Variants in TRAK1 observed in about 807,000 individuals in gnomAD.
TRAK1 encodes the protein trafficking kinesin-binding protein 1.
In TRAK1, 33 loss-of-function variants were observed where a neutral mutation model predicts 92.1. That is an observed-to-expected ratio of 0.36 (90% CI 0.27 to 0.48). TRAK1 has a LOEUF of 0.48. Ranked by LOEUF, TRAK1 falls within the 20% of genes least tolerant of loss-of-function variation. The probability of loss-of-function intolerance (pLI) is 0.99; values close to 1 mark genes in which losing one functional copy is unlikely to be tolerated. For missense variants in TRAK1, 1,123 were observed against 1,257.9 expected (o/e 0.89, Z 1.62); for synonymous variants, 521 against 517.3 (o/e 1.01, Z -0.10).
At chr3:42,113,380 C>G (rs59630259) in intron 1 of TRAK1, among the ~76,000 whole-genome samples, 2 of 68,988 alleles carry the variant, frequency 2.9e-5, no homozygotes, top group African/African-American at 7.2e-5. Context: ...CTACCCCTAC[C>G]CCTACCCCTA....
intron 13 of TRAK1, chr3:42,203,165 C>A: frequency 8.4e-7 from 1 of 1,189,518 alleles, no homozygotes; most frequent in Non-Finnish European, 1.0e-6. Flanking sequence ...GTTTTGGTGT[C>A]GGGGAGAGGT....
intron 1 of TRAK1, among the ~76,000 whole-genome samples, chr3:42,032,064 C>T (rs1480222853): frequency 1.3e-5 from 2 of 152,116 alleles, no homozygotes; most frequent in Admixed American, 6.5e-5. Flanking sequence ...CTCCTTCACC[C>T]GCAGGCCTGG....
intron 2 of TRAK1, among the ~76,000 whole-genome samples, chr3:42,138,617 C>T (rs369327214): frequency 6.6e-5 from 10 of 151,374 alleles, no homozygotes; most frequent in African/African-American, 2.4e-4. Flanking sequence ...CCAGATGTGG[C>T]GGCTCACACC....
At chr3:42,116,911 A>G (rs1709235209) in intron 1 of TRAK1, among the ~76,000 whole-genome samples, 1 of 152,192 alleles carries the variant, frequency 6.6e-6, no homozygotes, top group Non-Finnish European at 1.5e-5. Context: ...TGTGGTCTGT[A>G]GCATTCTCTG....
At chr3:42,018,312 A>C (rs1465629809) in intron 1 of TRAK1, among the ~76,000 whole-genome samples, 4 of 151,880 alleles carry the variant, frequency 2.6e-5, no homozygotes, top group Non-Finnish European at 5.9e-5. Context: ...AGTGCTCTTA[A>C]GGAAAATGTA....
Position 42,125,526 on chromosome 3 carries a change from C to T in TRAK1, c.198C>T (p.His66=), listed in dbSNP as rs763122485. ...CCGACACCATCTACGGTTATGACCA[C>T]GACGACTGGCTCCATACACCTCTCA... ...LRADTIYGYD[H]DDWLHTPLIS... Residue 66 remains histidine (H), a synonymous_variant, in exon 2 of 16, where the codon CAC becomes CAT. Transcript: ENST00000327628. The T allele has an allele frequency of 2.9e-5, 47 of 1,614,108 alleles. No individual in the cohort carries two copies. Among genetic ancestry groups the T allele is most frequent in the East Asian group, 4.5e-5 (2 of 44,902 alleles).
At chr3:42,088,859 C>T (rs749696678), upstream of TRAK1, among the ~76,000 whole-genome samples, 3 of 152,178 alleles carry the variant, frequency 2.0e-5, no homozygotes, top group African/African-American at 7.2e-5. Flanking sequence ...TTGAAGGGCC[C>T]GGGGCCCAGC....
chr3:42,152,580 T>G lies in TRAK1; in HGVS notation c.287-24234T>G, dbSNP rs145702301. Among the ~76,000 whole-genome samples, 18 of 152,296 alleles carry G rather than the reference T, an allele frequency of 1.2e-4. No individual in the cohort carries two copies. In the East Asian group the frequency reaches 3.5e-3, roughly 29 times the overall value. ...TTTTAGCACATGCTTTGGGGGATTC[T>G]TTACATCACGTGTGTTTGGGAAACT... On this transcript the variant is annotated intron_variant, in intron 2 of 15. Coordinates refer to ENST00000327628, the MANE Select transcript of TRAK1 (RefSeq NM_001042646.3).
At chr3:42,200,744 A>T in intron 11 of TRAK1, 74 bp from the exon 12 acceptor site, 1 of 1,508,698 alleles carries the variant, frequency 6.6e-7, no homozygotes, top group Non-Finnish European at 9.2e-7. Context: ...GGCTCAGTTG[A>T]TCATTTTTGG....
intron 1 of TRAK1, among the ~76,000 whole-genome samples, chr3:42,017,913 T>C (rs1446115691): frequency 6.6e-6 from 1 of 152,142 alleles, no homozygotes; most frequent in Non-Finnish European, 1.5e-5. Context: ...AGTGTGCCTG[T>C]AGGCAGCCTG....
In TRAK1 at chr3:42,125,493, G is replaced by A; in HGVS notation, c.165G>A (p.Lys55=). The A allele has an allele frequency of 6.2e-7, 1 of 1,614,210 alleles. No individual in the cohort carries two copies. The highest frequency in any genetic ancestry group is 8.5e-7 in the Non-Finnish European group (1 of 1,180,042). The change falls in exon 2 of 16, where the codon AAG becomes AAA. Residue 55 remains lysine, a synonymous_variant. Coordinates refer to ENST00000327628, the MANE Select transcript of TRAK1 (RefSeq NM_001042646.3). ...TGGAGGAGCAGCTGCCCCATTATAA[G>A]TTAAGAGCCGACACCATCTACGGTT... is the stretch of plus-strand genomic sequence containing the variant. The part of the protein sequence containing the change: ...SLLEEQLPHY[K]LRADTIYGYD...
In TRAK1 at chr3:42,013,849, CGA is replaced by C. The variant is rs1701404706; in HGVS notation, c.-783_-782del. The C allele has an allele frequency of 6.7e-6, 1 of 150,360 alleles. No individual in the cohort carries two copies. Among genetic ancestry groups the C allele is most frequent in the African/African-American group, 2.4e-5 (1 of 41,200 alleles). The allele number at this position is 150,360 out of a possible 1,614,324, so 9.3% of individuals were successfully genotyped here. On this transcript the variant is annotated 5_prime_UTR_variant, in exon 1 of 17. Coordinates refer to the TRAK1 transcript ENST00000487159. The surrounding 1 kb of genome is among the most constrained non-coding windows in gnomAD (Gnocchi z 5.1). ...AGCCGGAGCGCAGCCTTAGCGTCCC[CGA>C]GAGTCTCGAACGCCCCGACGACCCC...
chr3:42,040,738 C>T (rs1702508094), intron 1 of TRAK1, among the ~76,000 whole-genome samples: 1 of 150,946 alleles, frequency 6.6e-6, no homozygotes, highest in Admixed American at 6.6e-5. Context: ...AGCGCAGTGG[C>T]ACGGATCTCG....
At chr3:42,076,273 TG>T (rs1267293740) in intron 1 of TRAK1, among the ~76,000 whole-genome samples, 12 of 128,810 alleles carry the variant, frequency 9.3e-5, no homozygotes, top group Non-Finnish European at 1.5e-4. Flanking sequence ...TTGCTCAGGC[TG>T]GAGTGCAATG....
chr3:42,126,364 G>A (rs927948271), intron 2 of TRAK1, among the ~76,000 whole-genome samples: 2 of 152,064 alleles, frequency 1.3e-5, no homozygotes, highest in Admixed American at 1.3e-4. Flanking sequence ...TGGATGTTTG[G>A]AGAGTCCAAA....
At chr3:42,181,956 C>CTTT (rs202124618) in intron 3 of TRAK1, among the ~76,000 whole-genome samples, 2 of 133,448 alleles carry the variant, frequency 1.5e-5, no homozygotes, top group Admixed American at 1.5e-4. Context: ...AATAAGGTAC[C>CTTT]TTTTTTTTTT....
chr3:42,024,868 C>T (rs1339134917), intron 1 of TRAK1, among the ~76,000 whole-genome samples: 1 of 152,142 alleles, frequency 6.6e-6, no homozygotes, highest in Non-Finnish European at 1.5e-5. Flanking sequence ...GGATGTGTTG[C>T]CCTGGACTGA....
At chr3:42,121,009 C>G (rs1709775547) in intron 1 of TRAK1, among the ~76,000 whole-genome samples, 1 of 152,078 alleles carries the variant, frequency 6.6e-6, no homozygotes, top group Non-Finnish European at 1.5e-5. Context: ...TCAAGTGCAC[C>G]CTCCTAGGAG....
chr3:42,018,386 C>T (rs1039606117), intron 1 of TRAK1, among the ~76,000 whole-genome samples: 6 of 152,090 alleles, frequency 3.9e-5, no homozygotes, highest in African/African-American at 9.7e-5. Context: ...GTTTGGGAAT[C>T]GTGGAGCTGG....
Sources: gnomAD v4.1 joint callset for allele counts (sites outside exome capture counted in the v4.1 genomes callset) on GRCh38, gnomAD v4.1.1 for gene constraint, Gnocchi (gnomAD v3.1) non-coding constraint, MANE v1.5 for transcripts, NCBI Gene and HGNC (gene_info 2026-07-23, HGNC 2026-07-21) for gene names.